The following NANOG variants were observed in gnomAD, a reference collection of about 807,000 sequenced individuals.
NANOG encodes the protein homeobox protein NANOG.
Under a neutral mutation model 17.7 loss-of-function variants are expected in NANOG, and 2 were observed. That is an observed-to-expected ratio of 0.11 (90% confidence interval 0.05 to 0.36). The LOEUF is 0.36. Among genes scored for constraint, NANOG ranks in the 10% least tolerant of loss-of-function variants. The pLI is 1.00. For synonymous variants in NANOG, 81 were observed against 124.7 expected (o/e 0.65, Z 2.33); for missense variants, 174 against 362.1 (o/e 0.48, Z 4.22).
At position 7,794,477 on chromosome 12, in the gene NANOG, C is replaced by T. The variant is rs775613887; in HGVS notation, c.435C>T (p.Asn145=). Residue 145 remains asparagine (N), a synonymous_variant, in exon 3 of 4, where the codon AAC becomes AAT. Transcript: ENST00000229307. ...SYKQVKTWFQ[N]QRMKSKRWQK... Reference sequence around the variant, plus strand: ...TGCAGGTGAAGACCTGGTTCCAGAACCAGAGAATGAAATCTAAGAGGTGGC... The same window carrying T: ...TGCAGGTGAAGACCTGGTTCCAGAATCAGAGAATGAAATCTAAGAGGTGGC... 1 of 1,612,992 alleles carries T rather than the reference C, an allele frequency of 6.2e-7. No homozygotes were observed. The highest frequency in any genetic ancestry group is 1.1e-5 in the South Asian group (1 of 90,866).
chr12:7,790,788 T>A (rs1862829543), intron 1 of NANOG, among the ~76,000 whole-genome samples: 1 of 152,172 alleles, frequency 6.6e-6, no homozygotes, highest in Non-Finnish European at 1.5e-5. Context: ...CTTTGTCACA[T>A]AGGCTGGAGT....
chr12:7,798,163 G>GGT lies in NANOG; in HGVS notation c.*3069_*3070dup, dbSNP rs1862954789. On this transcript the variant is annotated 3_prime_UTR_variant, in exon 4 of 4. Coordinates refer to ENST00000229307, the MANE Select transcript of NANOG (RefSeq NM_024865.4). The stretch of plus-strand genomic sequence containing the variant: ...AGACCAAGGCAGGTGGATCACCTGA[G>GGT]GTCAGGAGTTCAAGTTTAGCATGGC... 6.6e-6 allele frequency: 1 copy of GGT among 152,178 alleles called. No homozygotes were observed. Among genetic ancestry groups the GGT allele is most frequent in the East Asian group, 1.9e-4 (1 of 5,190 alleles). 9.4% of individuals were successfully genotyped at this position (152,178 alleles called of 1,614,324 possible).
At position 7,789,456 on chromosome 12, in the gene NANOG, C is replaced by T. The variant is rs137856893; in HGVS notation, c.-159C>T. On this transcript the variant is annotated 5_prime_UTR_variant, in exon 1 of 4. Transcript: ENST00000229307. ...TTCTGCTGGACTGAGCTGGTTGCCT[C>T]ATGTTATTATGCAGGCAACTCACTT... The T allele has an allele frequency of 8.3e-4, 521 of 630,090 alleles. 2 individuals carry two copies. The African/African-American group carries it at 8.8e-3, about 11-fold the overall frequency. 39.0% of individuals were successfully genotyped at this position (630,090 alleles called of 1,614,324 possible). A position where few individuals can be genotyped will look rare whatever the true frequency, so the allele number is the denominator to read the frequency against.
Position 7,795,173 on chromosome 12 carries a change from A to G in NANOG, c.*78A>G, listed in dbSNP as rs1372148495. ...TTCCTCTCCCCTCCTCCCATCCCTCATAGGATTTTTCTTGTTTGGAAACCA... is the reference window on the plus strand; with the variant it reads ...TTCCTCTCCCCTCCTCCCATCCCTCGTAGGATTTTTCTTGTTTGGAAACCA... On this transcript the variant is annotated 3_prime_UTR_variant, in exon 4 of 4. Coordinates refer to ENST00000229307, the MANE Select transcript of NANOG (RefSeq NM_024865.4). The G allele has an allele frequency of 6.4e-7, 1 of 1,565,928 alleles. No homozygotes were observed. The highest frequency in any genetic ancestry group is 8.7e-7 in the Non-Finnish European group (1 of 1,152,500).
chr12:7,792,455 A>G (rs974418352), intron 1 of NANOG, among the ~76,000 whole-genome samples: 6 of 152,140 alleles, frequency 3.9e-5, no homozygotes, highest in Non-Finnish European at 7.4e-5. Context: ...TCACGAGGTC[A>G]GGAGTTCGAG....
chr12:7,793,180 C>A lies in NANOG; in HGVS notation c.382C>A (p.Leu128Ile), dbSNP rs760741283. 3.1e-6 allele frequency: 5 copies of A among 1,613,720 alleles called. No homozygotes were observed. Among genetic ancestry groups the A allele is most frequent in the Admixed American group, 3.3e-5 (2 of 59,938 alleles). Residue 128 changes from leucine to isoleucine, a missense_variant, in exon 2 of 4, where the codon CTC becomes ATC. Physicochemically the swap from Leu to Ile is conservative, Grantham distance 5 (BLOSUM62 2). Around this residue, in one of 2 missense-constraint regions of NANOG, gnomAD observed 158 missense variants for 244.2 expected, o/e 0.65. Transcript: ENST00000229307. ...CCTCAGCCTCCAGCAGATGCAAGAA[C>A]TCTCCAACATCCTGAACCTCAGCTA... Reference protein sequence around the residue: ...KYLSLQQMQELSNILNLSYKQ... With the variant: ...KYLSLQQMQEISNILNLSYKQ...
At chr12:7,789,907 A>AC (rs934210923) in intron 1 of NANOG, 142 bp downstream of exon 1, 2 of 899,186 alleles carry the variant, frequency 2.2e-6, no homozygotes, top group Non-Finnish European at 1.7e-6. Context: ...TCCTCTGGAA[A>AC]CCCCTTTTTC....
intron 2 of NANOG, among the ~76,000 whole-genome samples, chr12:7,793,555 T>C (rs1862874352): frequency 6.6e-6 from 1 of 152,152 alleles, no homozygotes; most frequent in South Asian, 2.1e-4. Context: ...TAAAAACTTT[T>C]TTTTTCCTTT....
chr12:7,798,208 C>T lies in NANOG; in HGVS notation c.*3113C>T, dbSNP rs1012589029. 1 of 152,144 alleles carries T rather than the reference C, an allele frequency of 6.6e-6. No individual in the cohort carries two copies. Among genetic ancestry groups the T allele is most frequent in the African/African-American group, 2.4e-5 (1 of 41,438 alleles). 9.4% of individuals were successfully genotyped at this position (152,144 alleles called of 1,614,324 possible). A position where few individuals can be genotyped will look rare whatever the true frequency, so the allele number is the denominator to read the frequency against. Reference sequence around the variant, plus strand: ...CATGGCCAATATGGCGAAACCCTGTCTCTACTAAAAATACAGAAATTTGCC... The same window carrying T: ...CATGGCCAATATGGCGAAACCCTGTTTCTACTAAAAATACAGAAATTTGCC... On this transcript the variant is annotated 3_prime_UTR_variant, in exon 4 of 4. Transcript: ENST00000229307.
rs2120579441 is a variant in NANOG at position 7,795,836 on chromosome 12, CTTAA to C, written c.*744_*747del. The C allele has an allele frequency of 6.8e-6, 1 of 147,010 alleles. No homozygotes were observed. Among genetic ancestry groups the C allele is most frequent in the South Asian group, 2.2e-4 (1 of 4,462 alleles). 9.1% of individuals were successfully genotyped at this position (147,010 alleles called of 1,614,324 possible). On this transcript the variant is annotated 3_prime_UTR_variant, in exon 4 of 4. Transcript: ENST00000229307. ...AGGTAAAGGGTTAAGCTGTAACATA[CTTAA>C]TTGATTTCTTACCGTTTTTGGCTCT...
At position 7,797,795 on chromosome 12, in the gene NANOG, A is replaced by T. The variant is rs1862951003; in HGVS notation, c.*2700A>T. The T allele has an allele frequency of 6.6e-6, 1 of 152,040 alleles. No homozygotes were observed. Among genetic ancestry groups the T allele is most frequent in the Non-Finnish European group, 1.5e-5 (1 of 68,058 alleles). 9.4% of individuals were successfully genotyped at this position (152,040 alleles called of 1,614,324 possible). ...GAGTCTCTCAAATAGCCCAGACTAT[A>T]GGTGCACACCACCATGCCAGCTAAC... On this transcript the variant is annotated 3_prime_UTR_variant, in exon 4 of 4. Transcript: ENST00000229307.
At position 7,796,617 on chromosome 12, in the gene NANOG, A is replaced by G. The variant is rs558147562; in HGVS notation, c.*1522A>G. 6.6e-6 allele frequency: 1 copy of G among 152,130 alleles called. No individual in the cohort carries two copies. The highest frequency in any genetic ancestry group is 2.1e-4 in the South Asian group (1 of 4,828). 9.4% of individuals were successfully genotyped at this position (152,130 alleles called of 1,614,324 possible). On this transcript the variant is annotated 3_prime_UTR_variant, in exon 4 of 4. Coordinates refer to ENST00000229307, the MANE Select transcript of NANOG (RefSeq NM_024865.4). Reference sequence around the variant, plus strand: ...CCCATCTTGTGCCTGCCCTAAATGTATCTGATCTGAGAGCACGTCCCTTCA... The same window carrying G: ...CCCATCTTGTGCCTGCCCTAAATGTGTCTGATCTGAGAGCACGTCCCTTCA...
chr12:7,791,228 G>A (rs1592116766), intron 1 of NANOG, among the ~76,000 whole-genome samples: 2 of 151,402 alleles, frequency 1.3e-5, no homozygotes, highest in East Asian at 3.9e-4. Flanking sequence ...TCCTGTCTCA[G>A]TCTCTCGAGT....
rs1192981542 is a variant in NANOG at position 7,795,565 on chromosome 12, C to T, written c.*470C>T. On this transcript the variant is annotated 3_prime_UTR_variant, in exon 4 of 4. Coordinates refer to ENST00000229307, the MANE Select transcript of NANOG (RefSeq NM_024865.4). ...CTCGATCTCCTGACCTTGTGATCCA[C>T]CCGCCTCGGCCTCCCTAACAGCTGG... 1.3e-5 allele frequency: 1 copy of T among 74,748 alleles called. No homozygotes were observed. Among genetic ancestry groups the T allele is most frequent in the East Asian group, 2.4e-4 (1 of 4,190 alleles). The allele number at this position is 74,748 out of a possible 1,614,324, so 4.6% of individuals were successfully genotyped here.
At chr12:7,790,016 C>T (rs1862815078) in intron 1 of NANOG, among the ~76,000 whole-genome samples, 1 of 152,130 alleles carries the variant, frequency 6.6e-6, no homozygotes, top group Non-Finnish European at 1.5e-5. Context: ...GAACAGTGTG[C>T]AGTAAGTTTG....
chr12:7,791,488 C>T (rs1380541227), intron 1 of NANOG, among the ~76,000 whole-genome samples: 1 of 152,130 alleles, frequency 6.6e-6, no homozygotes, highest in Non-Finnish European at 1.5e-5. Context: ...ATATAGGTAG[C>T]TAATATTTAG....
intron 1 of NANOG, 132 bp downstream of exon 1, chr12:7,789,897 TCCTCTGGAAA>T (rs1283160222): frequency 7.2e-5 from 69 of 964,840 alleles, no homozygotes; most frequent in Admixed American, 1.5e-4. Flanking sequence ...TATCAACTAA[TCCTCTGGAAA>T]CCCCTTTTTC....
Position 7,798,520 on chromosome 12 carries a change from A to G in NANOG, c.*3425A>G, listed in dbSNP as rs773843787. The G allele has an allele frequency of 6.6e-6, 1 of 152,274 alleles. No individual in the cohort carries two copies. The highest frequency in any genetic ancestry group is 2.1e-4 in the South Asian group (1 of 4,818). 9.4% of individuals were successfully genotyped at this position (152,274 alleles called of 1,614,324 possible). On this transcript the variant is annotated 3_prime_UTR_variant, in exon 4 of 4. Transcript: ENST00000229307. The stretch of plus-strand genomic sequence containing the variant: ...TGCTATATTTTAGTAGCTTTACCAT[A>G]TTTTAGTTTTTAAAATTCATTATTT...
intron 1 of NANOG, 83 bp downstream of exon 1, chr12:7,789,848 CTT>C (rs1232272413): frequency 7.3e-7 from 1 of 1,378,932 alleles, no homozygotes; most frequent in Non-Finnish European, 1.0e-6. Flanking sequence ...TCATTTCCCT[CTT>C]GAGCAATGAT....
Sources: allele counts gnomAD v4.1 joint callset (sites outside exome capture counted in the v4.1 genomes callset), GRCh38; gene constraint gnomAD v4.1.1; regional missense constraint gnomAD v4.1.1; transcripts MANE v1.5; gene names NCBI Gene and HGNC (gene_info 2026-07-23, HGNC 2026-07-21).